Variants in DYM observed in about 807,000 individuals in gnomAD.
DYM encodes the protein dymeclin.
A neutral mutation model predicts 93.1 loss-of-function variants in DYM; 78 were observed. The ratio of observed to expected loss-of-function variants is 0.84; its 90% CI spans 0.70 to 1.01. The LOEUF (loss-of-function observed/expected upper bound fraction) is 1.01, where lower values mean the gene tolerates loss of function less well. Among genes scored for constraint, DYM ranks in the 50% least tolerant of loss-of-function variants. The probability of loss-of-function intolerance (pLI) is 0.00; values close to 1 mark genes in which losing one functional copy is unlikely to be tolerated. For missense variants in DYM, 789 were observed against 845.0 expected (o/e 0.93, Z 0.82); for synonymous variants, 321 against 319.7 (o/e 1.00, Z -0.04).
chr18:49,338,255 T>C (rs928029298), intron 6 of DYM, among the ~76,000 whole-genome samples: 1 of 152,202 alleles, frequency 6.6e-6, no homozygotes, highest in Non-Finnish European at 1.5e-5. Flanking sequence ...AATGTTTTGG[T>C]CCTTCATAGG....
In DYM at chr18:49,256,990, C is replaced by G. The variant is rs1270902041; in HGVS notation, c.1460+20G>C. The G allele has an allele frequency of 6.9e-6, 11 of 1,593,848 alleles. No homozygotes were observed. Among genetic ancestry groups the G allele is most frequent in the Non-Finnish European group, 9.5e-6 (11 of 1,161,786 alleles). ...CTCAGCCAGAGGCAAATCAGTATTT[C>G]TTTTAAAGTTCATATTTACCTGATG... is the stretch of plus-strand genomic sequence containing the variant. On this transcript the variant is annotated intron_variant, in intron 13 of 17. Transcript: ENST00000675505.
chr18:49,425,852 T>C (rs1237540251), intron 2 of DYM, among the ~76,000 whole-genome samples: 16 of 152,066 alleles, frequency 1.1e-4, no homozygotes, highest in Non-Finnish European at 2.2e-4. Context: ...TGAAATACCA[T>C]CTCACACCAG....
At chr18:49,117,578 T>C (rs975778178) in intron 16 of DYM, among the ~76,000 whole-genome samples, 1 of 152,214 alleles carries the variant, frequency 6.6e-6, no homozygotes, top group African/African-American at 2.4e-5. Context: ...TATTCTAGAT[T>C]CTAGACTTTT....
At chr18:49,457,746 G>T (rs1424848271) in intron 1 of DYM, among the ~76,000 whole-genome samples, 1 of 152,174 alleles carries the variant, frequency 6.6e-6, no homozygotes, top group East Asian at 1.9e-4. Context: ...CTTTGCAGGC[G>T]TGATTAAATT....
intron 16 of DYM, among the ~76,000 whole-genome samples, chr18:49,117,238 T>G (rs1275848667): frequency 6.6e-6 from 1 of 152,224 alleles, no homozygotes; most frequent in Non-Finnish European, 1.5e-5. Context: ...AATATTTTGC[T>G]ATAGCTGCAA....
At chr18:49,316,758 ATCTC>A (rs969403277) in intron 8 of DYM, among the ~76,000 whole-genome samples, 4 of 149,684 alleles carry the variant, frequency 2.7e-5, no homozygotes, top group Non-Finnish European at 4.4e-5. Flanking sequence ...TCTTTTTACT[ATCTC>A]TCTTTTTTTT....
intron 14 of DYM, among the ~76,000 whole-genome samples, chr18:49,177,176 C>A (rs943218352): frequency 1.3e-5 from 2 of 152,074 alleles, no homozygotes; most frequent in African/African-American, 4.8e-5. Flanking sequence ...AGTGGAATGA[C>A]CTCACAGTGA....
At chr18:49,293,255 T>C (rs1007499545) in intron 8 of DYM, among the ~76,000 whole-genome samples, 3 of 152,206 alleles carry the variant, frequency 2.0e-5, no homozygotes, top group African/African-American at 7.2e-5. Flanking sequence ...TTCCAAGTCT[T>C]TTCTATGTGA....
intron 13 of DYM, among the ~76,000 whole-genome samples, chr18:49,228,483 T>C (rs750019818): frequency 3.9e-5 from 6 of 152,110 alleles, no homozygotes; most frequent in Non-Finnish European, 7.4e-5. Flanking sequence ...AAAAATTCAA[T>C]CATTATAATC....
rs551970144 is a variant in DYM, at chr18:49,282,317, G to A, written c.947-142C>T. ...TTTCAGATTCAAAATTTTAATTTAT[G>A]TAAAATTTACTTTAGGGCCAGGCAT... On this transcript the variant is annotated intron_variant, in intron 9 of 17. Transcript: ENST00000675505. 1,187 of 956,782 alleles carry A rather than the reference G, an allele frequency of 1.2e-3. 13 individuals carry two copies. The highest frequency in any genetic ancestry group is 2.2e-4 in the Non-Finnish European group (140 of 631,540). The allele number at this position is 956,782 out of a possible 1,614,324, so 59.3% of individuals were successfully genotyped here.
At chr18:49,077,510 G>C (rs540883018) in intron 17 of DYM, among the ~76,000 whole-genome samples, 5 of 152,356 alleles carry the variant, frequency 3.3e-5, no homozygotes, top group South Asian at 4.1e-4. Context: ...AGGTGAGGTA[G>C]TTGATAGTCT....
intron 17 of DYM, among the ~76,000 whole-genome samples, chr18:49,092,435 C>T (rs967457083): frequency 2.6e-5 from 4 of 152,236 alleles, no homozygotes; most frequent in Admixed American, 1.3e-4. Context: ...TCTTCCAGAA[C>T]TTAACTTCTA....
Position 49,315,648 on chromosome 18 carries a change from T to A in DYM, c.763+16216A>T, listed in dbSNP as rs533424371. Among the ~76,000 whole-genome samples the A allele has an allele frequency of 3.2e-4, 49 of 152,334 alleles. No homozygotes were observed. The South Asian group carries it at 9.7e-3, about 30-fold the overall frequency. On this transcript the variant is annotated intron_variant, in intron 8 of 17. Transcript: ENST00000675505. ...AAAAATCTTTCAAAATAAATACATTTCAAATAATTAGCACAATTATTTTCT... is the reference window on the plus strand; with the variant it reads ...AAAAATCTTTCAAAATAAATACATTACAAATAATTAGCACAATTATTTTCT...
intron 8 of DYM, among the ~76,000 whole-genome samples, chr18:49,319,955 A>C (rs558292434): frequency 6.6e-5 from 10 of 152,292 alleles, no homozygotes; most frequent in African/African-American, 2.4e-4. Flanking sequence ...GACTTTAAGG[A>C]CCATGGTATC....
intron 8 of DYM, among the ~76,000 whole-genome samples, chr18:49,290,583 T>TA (rs1198501254): frequency 6.6e-6 from 1 of 152,018 alleles, no homozygotes; most frequent in Admixed American, 6.6e-5. Flanking sequence ...ATCCCATTAG[T>TA]ATGTAGAATA....
At chr18:49,118,534 A>C in intron 16 of DYM, 1 of 537,180 alleles carries the variant, frequency 1.9e-6, no homozygotes, top group East Asian at 3.3e-5. Context: ...AACTGTATGA[A>C]GTATGACTTC....
intron 5 of DYM, among the ~76,000 whole-genome samples, chr18:49,368,030 T>C (rs904511655): frequency 3.9e-5 from 6 of 152,316 alleles, no homozygotes; most frequent in Non-Finnish European, 7.4e-5. Context: ...AAATGTCTCT[T>C]GTAGGTTAAT....
At chr18:49,198,041 C>A (rs2091637094) in intron 14 of DYM, among the ~76,000 whole-genome samples, 2 of 152,094 alleles carry the variant, frequency 1.3e-5, no homozygotes, top group Admixed American at 1.3e-4. Context: ...AGATATAGAC[C>A]AATGGAACAG....
At chr18:49,427,914 C>T (rs1489148320) in intron 2 of DYM, among the ~76,000 whole-genome samples, 1 of 152,032 alleles carries the variant, frequency 6.6e-6, no homozygotes, top group Non-Finnish European at 1.5e-5. Context: ...ATGGCAAGAC[C>T]TTATGTCTAC....
Sources: allele counts gnomAD v4.1 joint callset (sites outside exome capture counted in the v4.1 genomes callset), GRCh38; gene constraint gnomAD v4.1.1; transcripts MANE v1.5; gene names NCBI Gene and HGNC (gene_info 2026-07-23, HGNC 2026-07-21).